CNTN3: variants seen among roughly 807,000 people sequenced by gnomAD.
CNTN3 encodes the protein contactin 3, also known as contactin-3.
In CNTN3, 60 loss-of-function variants were observed where a neutral mutation model predicts 119.1. The observed-to-expected ratio is 0.50, with a 90% CI of 0.41 to 0.62. The LOEUF is 0.62. CNTN3 is among the 20% of genes least tolerant of loss of function. The pLI is 0.00. For synonymous variants in CNTN3, 450 were observed against 438.7 expected, an observed-to-expected ratio of 1.03 and a Z score of -0.32; for missense variants, 1,101 against 1,242.4, an observed-to-expected ratio of 0.89 and a Z score of 1.71.
intron 13 of CNTN3, among the ~76,000 whole-genome samples, chr3:74,317,477 A>G (rs1346726621): frequency 1.3e-5 from 2 of 151,938 alleles, no homozygotes; most frequent in African/African-American, 2.4e-5. Context: ...GGCTGGTACC[A>G]GTTGTTCCTT....
intron 1 of CNTN3, among the ~76,000 whole-genome samples, chr3:74,591,995 C>A (rs1008974660): frequency 6.6e-6 from 1 of 151,812 alleles, no homozygotes; most frequent in African/African-American, 2.4e-5. Context: ...AAAAATCTAC[C>A]AGCAAGCAAG....
At chr3:74,300,638 G>C (rs1055705659) in intron 16 of CNTN3, among the ~76,000 whole-genome samples, 1 of 152,178 alleles carries the variant, frequency 6.6e-6, no homozygotes, top group Non-Finnish European at 1.5e-5. Context: ...TATGTGCATT[G>C]TTCTGAGTGA....
intron 20 of CNTN3, among the ~76,000 whole-genome samples, chr3:74,283,162 G>A (rs1359772030): frequency 6.6e-6 from 1 of 152,122 alleles, no homozygotes; most frequent in Admixed American, 6.6e-5. Context: ...GGCTGAAAGA[G>A]AGGATACCAT....
chr3:74,477,394 T>C (rs1257798703), intron 4 of CNTN3, among the ~76,000 whole-genome samples: 1 of 151,964 alleles, frequency 6.6e-6, no homozygotes, highest in Non-Finnish European at 1.5e-5. Flanking sequence ...GGAAAAGAGA[T>C]GAAAAATAAA....
chr3:74,476,661 T>C (rs189403987), intron 4 of CNTN3, among the ~76,000 whole-genome samples: 5 of 151,756 alleles, frequency 3.3e-5, no homozygotes, highest in East Asian at 3.9e-4. Flanking sequence ...GTTAAACAAA[T>C]AAAGTAACAA....
chr3:74,295,271 T>C, intron 18 of CNTN3, 35 bp from the exon 19 acceptor site: 1 of 1,224,752 alleles, frequency 8.2e-7, no homozygotes, highest in Non-Finnish European at 1.2e-6. Flanking sequence ...ATGATGATAA[T>C]TTTGGCAGTT....
At chr3:74,584,685 T>C (rs1426729974) in intron 1 of CNTN3, among the ~76,000 whole-genome samples, 7 of 152,178 alleles carry the variant, frequency 4.6e-5, no homozygotes, top group Non-Finnish European at 8.8e-5. Context: ...GACTAAGACA[T>C]CTTGTTTCAC....
At chr3:74,389,892 T>G (rs1034075009) in intron 5 of CNTN3, among the ~76,000 whole-genome samples, 2 of 152,142 alleles carry the variant, frequency 1.3e-5, no homozygotes, top group African/African-American at 4.8e-5. Context: ...ACCTAATGAC[T>G]TGGAAGGAAG....
intron 1 of CNTN3, among the ~76,000 whole-genome samples, chr3:74,611,796 G>A (rs1705086150): frequency 6.6e-6 from 1 of 152,164 alleles, no homozygotes; most frequent in South Asian, 2.1e-4. Context: ...CCTTAAAGAT[G>A]CTCACCTTCA....
intron 5 of CNTN3, among the ~76,000 whole-genome samples, chr3:74,420,355 C>T (rs1701597363): frequency 6.6e-6 from 1 of 152,184 alleles, no homozygotes; most frequent in South Asian, 2.1e-4. Context: ...ATATGATTAA[C>T]ATATGCAGTT....
intron 2 of CNTN3, among the ~76,000 whole-genome samples, chr3:74,506,033 G>A (rs565353646): frequency 1.3e-5 from 2 of 152,196 alleles, no homozygotes; most frequent in East Asian, 1.9e-4. Flanking sequence ...AATACTGCTC[G>A]CAGGAATGGC....
chr3:74,393,045 T>C (rs1210666656), intron 5 of CNTN3, among the ~76,000 whole-genome samples: 1 of 152,116 alleles, frequency 6.6e-6, no homozygotes, highest in Non-Finnish European at 1.5e-5. Context: ...CTATCCACAT[T>C]GTACCTTTTA....
Position 74,369,290 on chromosome 3 carries a change from A to G in CNTN3, c.845T>C (p.Leu282Pro). The G allele has an allele frequency of 6.2e-7, 1 of 1,611,578 alleles. No homozygotes were observed. The highest frequency in any genetic ancestry group is 2.2e-5 in the East Asian group (1 of 44,712). Residue 282 changes from leucine to proline, a missense_variant, in exon 8 of 23, where the codon CTT becomes CCT. By Grantham distance (98) the Leu-to-Pro change is moderately conservative. Transcript: ENST00000263665. ...TTCCTGTTGGAAGTTGGGGATTTCA[A>G]GCACACCACTGAACTTCCTTAATTT... ...KIKLRKFSGV[L>P]EIPNFQQEDA...
chr3:74,512,267 A>T (rs2107105893), intron 2 of CNTN3, among the ~76,000 whole-genome samples: 1 of 152,288 alleles, frequency 6.6e-6, no homozygotes, highest in South Asian at 2.1e-4. Context: ...CATGGCCTGA[A>T]AAATAGGATG....
At chr3:74,398,980 A>G (rs1705123162) in intron 5 of CNTN3, among the ~76,000 whole-genome samples, 1 of 152,210 alleles carries the variant, frequency 6.6e-6, no homozygotes, top group South Asian at 2.1e-4. Context: ...GATAGTTAGC[A>G]TATCTACCAA....
At chr3:74,591,785 C>T (rs1011664755) in intron 1 of CNTN3, among the ~76,000 whole-genome samples, 21 of 151,828 alleles carry the variant, frequency 1.4e-4, no homozygotes, top group African/African-American at 4.8e-4. Context: ...AGGATGAGTT[C>T]AGGTTCAGAC....
chr3:74,483,480 T>C (rs1038482920), intron 4 of CNTN3, among the ~76,000 whole-genome samples: 4 of 152,058 alleles, frequency 2.6e-5, no homozygotes, highest in Non-Finnish European at 4.4e-5. Flanking sequence ...TAACTGCTCA[T>C]TGCCATGCTC....
At chr3:74,390,876 G>T (rs1704879879) in intron 5 of CNTN3, among the ~76,000 whole-genome samples, 2 of 152,156 alleles carry the variant, frequency 1.3e-5, no homozygotes, top group Non-Finnish European at 2.9e-5. Flanking sequence ...CAGGCAAAAA[G>T]ATATTAAAGA....
At chr3:74,602,187 G>A (rs896206056) in intron 1 of CNTN3, among the ~76,000 whole-genome samples, 3 of 150,200 alleles carry the variant, frequency 2.0e-5, no homozygotes, top group Non-Finnish European at 1.5e-5. Context: ...TACTTGGGAG[G>A]CTAAGGTAAG....
Sources: allele counts gnomAD v4.1 joint callset (sites outside exome capture counted in the v4.1 genomes callset), GRCh38; gene constraint gnomAD v4.1.1; transcripts MANE v1.5; gene names NCBI Gene and HGNC (gene_info 2026-07-23, HGNC 2026-07-21).